Variants in MYCBP2 observed in about 807,000 individuals in gnomAD.
The protein encoded by MYCBP2 is E3 ubiquitin-protein ligase MYCBP2.
A neutral mutation model predicts 525.3 loss-of-function variants in MYCBP2; 120 were observed. That is an observed-to-expected ratio of 0.23 (90% confidence interval 0.20 to 0.27). The LOEUF (loss-of-function observed/expected upper bound fraction) is 0.27. Ranked by LOEUF, MYCBP2 falls within the 10% of genes least tolerant of loss-of-function variation. The pLI is 1.00. For synonymous variants in MYCBP2, 1,894 were observed against 1,955.8 expected, an observed-to-expected ratio of 0.97 and a Z score of 0.83; for missense variants, 4,149 against 5,657.1, an observed-to-expected ratio of 0.73 and a Z score of 8.55.
intron 1 of MYCBP2, among the ~76,000 whole-genome samples, chr13:77,300,994 A>C (rs1466199849): frequency 6.6e-6 from 1 of 152,178 alleles, no homozygotes; most frequent in African/African-American, 2.4e-5. Context: ...AGAGACTAGT[A>C]GTGCTTTAGA....
rs897238160 is a variant in MYCBP2, at chr13:77,055,701, T to G, written c.13504A>C (p.Arg4502=). The change falls in exon 80 of 83, where the codon AGA becomes CGA. Residue 4502 remains arginine, a synonymous_variant. Transcript: ENST00000544440. ...TCCAATCTCATTAAGGCTTTTCTTC[T>G]GACATCCTCATAGAGTTCTTTTATT... The part of the protein sequence containing the change: ...DPIKELYEDV[R]RKALMRLEYE... 1 of 1,614,052 alleles carries G rather than the reference T, an allele frequency of 6.2e-7. No individual in the cohort carries two copies. Among genetic ancestry groups the G allele is most frequent in the Non-Finnish European group, 8.5e-7 (1 of 1,179,964 alleles).
At chr13:77,075,865 C>T (rs1262026474) in intron 68 of MYCBP2, 1 of 152,134 alleles carries the variant, frequency 6.6e-6, no homozygotes, top group Non-Finnish European at 1.5e-5. Context: ...AAGTTACCAG[C>T]ATTTAAGAAA....
chr13:77,053,827 G>A (rs1434711010), intron 80 of MYCBP2, among the ~76,000 whole-genome samples: 2 of 151,956 alleles, frequency 1.3e-5, no homozygotes. Context: ...CCTTTCTCAT[G>A]TAGTCATTCT....
intron 54 of MYCBP2, among the ~76,000 whole-genome samples, chr13:77,124,140 C>T (rs1162163132): frequency 2.6e-5 from 4 of 152,134 alleles, no homozygotes; most frequent in Non-Finnish European, 4.4e-5. Flanking sequence ...ATTTAAAACA[C>T]GAATGAAGAT....
intron 19 of MYCBP2, among the ~76,000 whole-genome samples, chr13:77,224,758 T>C (rs532905728): frequency 6.6e-6 from 1 of 152,286 alleles, no homozygotes; most frequent in Admixed American, 6.5e-5. Context: ...CACTTAAAAA[T>C]TCGTATAAAT....
At chr13:77,240,731 A>G (rs1452734473) in intron 17 of MYCBP2, among the ~76,000 whole-genome samples, 1 of 152,226 alleles carries the variant, frequency 6.6e-6, no homozygotes, top group Non-Finnish European at 1.5e-5. Flanking sequence ...ATTCTAGGTA[A>G]CTGTGGTGAC....
intron 20 of MYCBP2, among the ~76,000 whole-genome samples, chr13:77,218,251 G>A (rs1287079481): frequency 6.6e-6 from 1 of 152,062 alleles, no homozygotes; most frequent in East Asian, 1.9e-4. Flanking sequence ...TTTTAATCTG[G>A]TACTCTGTAT....
intron 20 of MYCBP2, among the ~76,000 whole-genome samples, chr13:77,219,382 G>C (rs867284494): frequency 1.2e-4 from 18 of 151,792 alleles, no homozygotes; most frequent in African/African-American, 4.3e-4. Flanking sequence ...ACACAAAGTA[G>C]CTCTAAGTAT....
intron 8 of MYCBP2, 130 bp downstream of exon 8, chr13:77,267,711 G>T (rs1221770866): frequency 1.4e-6 from 1 of 701,086 alleles, no homozygotes; most frequent in Admixed American, 2.7e-5. Flanking sequence ...TGCTTTGTAT[G>T]TCAAGATTTT....
chr13:77,201,857 C>T (rs1292272070), intron 26 of MYCBP2, among the ~76,000 whole-genome samples: 6 of 152,092 alleles, frequency 3.9e-5, no homozygotes, highest in East Asian at 1.9e-4. Flanking sequence ...AGAACAAAGA[C>T]GCAACATACC....
chr13:77,289,255 G>A (rs2077216864), intron 2 of MYCBP2, among the ~76,000 whole-genome samples: 1 of 151,692 alleles, frequency 6.6e-6, no homozygotes, highest in African/African-American at 2.4e-5. Flanking sequence ...AATTGGCATG[G>A]CATATAACTT....
At chr13:77,076,963 A>C (rs1323456734) in intron 67 of MYCBP2, 114 bp from the exon 68 acceptor site, 3 of 1,105,334 alleles carry the variant, frequency 2.7e-6, no homozygotes, top group Non-Finnish European at 3.9e-6. Context: ...TTGCTAATAT[A>C]CACCACTATT....
chr13:77,263,740 T>C lies in MYCBP2; in HGVS notation c.1481A>G (p.Gln494Arg). 6.2e-7 allele frequency: 1 copy of C among 1,613,266 alleles called. No homozygotes were observed. The highest frequency in any genetic ancestry group is 8.5e-7 in the Non-Finnish European group (1 of 1,179,470). ...AGCCAGTTTAAGTTGCAATTCTTGC[T>C]GTAGAACAGGTTCAGTGCTTGTGGC... is the stretch of plus-strand genomic sequence containing the variant. ...IFATSTEPVL[Q>R]QELQLKLARK... The change falls in exon 10 of 83, where the codon CAG becomes CGG. Residue 494 changes from glutamine to arginine, a missense_variant. Physicochemically the swap from Gln to Arg is conservative, Grantham distance 43 (BLOSUM62 1). This residue lies in a region of MYCBP2 where 262 missense variants were observed against 419.3 expected (regional missense o/e 0.62). Transcript: ENST00000544440.
At chr13:77,181,175 A>G (rs2060187079) in intron 33 of MYCBP2, among the ~76,000 whole-genome samples, 1 of 152,186 alleles carries the variant, frequency 6.6e-6, no homozygotes, top group African/African-American at 2.4e-5. Flanking sequence ...AAGGAAAAAT[A>G]CTTTATTTTT....
At chr13:77,234,504 T>C (rs1158225641) in intron 17 of MYCBP2, among the ~76,000 whole-genome samples, 1 of 152,020 alleles carries the variant, frequency 6.6e-6, no homozygotes, top group Non-Finnish European at 1.5e-5. Flanking sequence ...ATTATGTTTC[T>C]AGATATAAAC....
intron 17 of MYCBP2, among the ~76,000 whole-genome samples, chr13:77,238,356 T>C (rs936470533): frequency 6.6e-6 from 1 of 151,322 alleles, no homozygotes; most frequent in Non-Finnish European, 1.5e-5. Flanking sequence ...ATTATGAAAC[T>C]TGGATACTTA....
chr13:77,143,225 C>A lies in MYCBP2; in HGVS notation c.7303+1220G>T, dbSNP rs148354925. Among the ~76,000 whole-genome samples, 455 of 152,292 alleles carry A rather than the reference C, an allele frequency of 3.0e-3. 1 individual carries two copies. The highest frequency in any genetic ancestry group is 5.5e-3 in the Non-Finnish European group (373 of 68,026). On this transcript the variant is annotated intron_variant, in intron 49 of 82. Transcript: ENST00000544440. ...TACCTAGAAACCTGGTAAGGCATTACTTTTGCGTCTGTGAGGGTGTTTCCA... is the reference window on the plus strand; with the variant it reads ...TACCTAGAAACCTGGTAAGGCATTAATTTTGCGTCTGTGAGGGTGTTTCCA...
chr13:77,248,183 C>A (rs2070413918), intron 15 of MYCBP2, among the ~76,000 whole-genome samples: 1 of 149,572 alleles, frequency 6.7e-6, no homozygotes, highest in Non-Finnish European at 1.5e-5. Flanking sequence ...AGTAACCCTT[C>A]ACAACACTAG....
intron 49 of MYCBP2, 111 bp from the exon 50 acceptor site, chr13:77,141,054 C>G: frequency 1.4e-6 from 1 of 740,338 alleles, no homozygotes; most frequent in Non-Finnish European, 2.2e-6. Context: ...ACACAAATAT[C>G]TGATTTCTGT....
Sources: gnomAD v4.1 joint callset for allele counts (sites outside exome capture counted in the v4.1 genomes callset) on GRCh38, gnomAD v4.1.1 for gene constraint, gnomAD v4.1.1 regional missense constraint, MANE v1.5 for transcripts, NCBI Gene and HGNC (gene_info 2026-07-23, HGNC 2026-07-21) for gene names.